CASP14: variants seen among roughly 807,000 people sequenced by gnomAD.
CASP14 encodes caspase-14.
A neutral mutation model predicts 28.4 loss-of-function variants in CASP14; 27 were observed. The observed-to-expected ratio is 0.95, with a 90% confidence interval of 0.70 to 1.31. CASP14 has a LOEUF of 1.31. Ranked by LOEUF, CASP14 falls within the 50% of genes most tolerant of loss-of-function variation. The pLI, the probability that CASP14 is intolerant of heterozygous loss-of-function variation, is 0.00. For missense variants in CASP14, 323 were observed against 312.8 expected (o/e 1.03, Z -0.25); for synonymous variants, 115 against 118.6 (o/e 0.97, Z 0.20).
rs548728994 is a variant in CASP14 at position 15,053,500 on chromosome 19, G to A, written c.46G>A (p.Gly16Ser). ...GCCCCAGGAGAAATATGATATGTCA[G>A]GTGCCCGCCTGGCCCTAATACTGTG... ...SLEEEKYDMS[G>S]ARLALILCVT... Residue 16 changes from glycine (G) to serine (S), a missense_variant, in exon 3 of 7, where the codon GGT (glycine) becomes AGT (serine). Gly to Ser is a moderately conservative substitution (Grantham distance 56). Transcript: ENST00000427043. The A allele has an allele frequency of 4.3e-6, 7 of 1,614,092 alleles. No homozygotes were observed. In the African/African-American group the frequency reaches 5.3e-5, roughly 12 times the overall value.
In CASP14 at chr19:15,052,256, G is replaced by T; in HGVS notation, c.5G>T (p.Ser2Ile). M[S>I]NPRSLEEEKY... is the part of the protein sequence containing the mutation. ...GGACTCACAACCAAAGGAGAAATGA[G>T]CAATCCGCGGTCTTTGGAAGAGGTA... The change falls in exon 2 of 7, where the codon AGC becomes ATC. Residue 2 changes from serine to isoleucine, a missense_variant. Transcript: ENST00000427043. The T allele has an allele frequency of 6.3e-7, 1 of 1,592,086 alleles. No homozygotes were observed. The highest frequency in any genetic ancestry group is 8.5e-7 in the Non-Finnish European group (1 of 1,170,342).
intron 2 of CASP14, among the ~76,000 whole-genome samples, chr19:15,052,635 C>T (rs2046096086): frequency 6.6e-6 from 1 of 152,162 alleles, no homozygotes; most frequent in South Asian, 2.1e-4. Flanking sequence ...GAACTGTTGA[C>T]CCCCAATATT....
At chr19:15,055,353 C>T (rs1458606552) in intron 5 of CASP14, 77 bp from the exon 6 acceptor site, 66 of 1,558,982 alleles carry the variant, frequency 4.2e-5, no homozygotes, top group Non-Finnish European at 3.1e-5. Context: ...ACCTCTCCTC[C>T]AGGACCCACG....
chr19:15,053,668 A>G (rs201029646), intron 3 of CASP14, 37 bp downstream of exon 3: 34 of 1,614,014 alleles, frequency 2.1e-5, no homozygotes, highest in Non-Finnish European at 2.9e-5. Context: ...TTTGGGGGAA[A>G]GGTACTAGGT....
Position 15,053,775 on chromosome 19 carries a change from T to A in CASP14, c.220T>A (p.Ser74Thr), listed in dbSNP as rs767206907. Residue 74 changes from serine (S) to threonine (T), a missense_variant, in exon 4 of 7, where the codon TCC becomes ACC. Ser to Thr is a moderately conservative substitution (Grantham distance 58). Transcript: ENST00000427043. The stretch of plus-strand genomic sequence containing the variant: ...GGAAAAATTCCAGCAGGCCATCGAT[T>A]CCCGGGAAGATCCCGTCAGTTGTGC... ...ELEKFQQAIDSREDPVSCAFV... is the reference protein window; with the variant it reads ...ELEKFQQAIDTREDPVSCAFV... 18 of 1,613,918 alleles carry A rather than the reference T, an allele frequency of 1.1e-5. No individual in the cohort carries two copies. The South Asian group carries it at 2.0e-4, about 18-fold the overall frequency.
At chr19:15,052,406 G>C (rs951895138) in intron 2 of CASP14, 128 bp downstream of exon 2, 1 of 968,364 alleles carries the variant, frequency 1.0e-6, no homozygotes, top group Non-Finnish European at 1.4e-6. Context: ...GAGGTACTTT[G>C]TAGTCAATCA....
intron 1 of CASP14, among the ~76,000 whole-genome samples, chr19:15,050,321 TGA>T (rs55945511): frequency 0.18 from 26,946 of 148,876 alleles, 2,442 homozygotes; most frequent in Admixed American, 0.25. Flanking sequence ...TGTGTGTGTG[TGA>T]GAGAGAGAGA....
chr19:15,055,417 C>G lies in CASP14; in HGVS notation c.521-13C>G. ...CTGAAGCTCCCCCGAACCCACCTCT[C>G]TGGAATTCCCAGGATACATCGCCTA... On this transcript the variant is annotated splice_polypyrimidine_tract_variant and intron_variant, in intron 5 of 6. Transcript: ENST00000427043. 6.2e-7 allele frequency: 1 copy of G among 1,613,296 alleles called. No individual in the cohort carries two copies. Among genetic ancestry groups the G allele is most frequent in the East Asian group, 2.2e-5 (1 of 44,856 alleles).
chr19:15,054,957 A>G (rs1600069282), intron 4 of CASP14: 1 of 540,152 alleles, frequency 1.9e-6, no homozygotes, highest in Non-Finnish European at 3.3e-6. Flanking sequence ...TTTCTTTTTA[A>G]GAGGCGACAT....
chr19:15,053,378 G>A (rs371128938), intron 2 of CASP14, 104 bp from the exon 3 acceptor site: 10 of 1,442,206 alleles, frequency 6.9e-6, no homozygotes, highest in African/African-American at 5.6e-5. Flanking sequence ...AAAGTGCTGG[G>A]ATCACAGGCA....
Position 15,055,195 on chromosome 19 carries a change from G to A in CASP14, c.441G>A (p.Glu147=), listed in dbSNP as rs754169137. 1 of 1,614,100 alleles carries A rather than the reference G, an allele frequency of 6.2e-7. No homozygotes were observed. The highest frequency in any genetic ancestry group is 1.7e-5 in the Admixed American group (1 of 60,010). The change falls in exon 5 of 7, where the codon GAG becomes GAA. Residue 147 remains glutamate, a synonymous_variant. Transcript: ENST00000427043. ...CCGGTGAAACAGTAGGTGGAGATGA[G>A]ATTGTGATGGTCATCAAAGACAGCC... ...RDPGETVGGD[E]IVMVIKDSPQ...
chr19:15,055,858 G>T, intron 6 of CASP14, 127 bp from the exon 7 acceptor site: 1 of 667,896 alleles, frequency 1.5e-6, no homozygotes, highest in Non-Finnish European at 2.6e-6. Context: ...TACAAACTAT[G>T]GTATAGGAAG....
Position 15,056,165 on chromosome 19 carries a change from C to T in CASP14, c.*76C>T, listed in dbSNP as rs1568316077. The T allele has an allele frequency of 8.4e-7, 1 of 1,189,850 alleles. No homozygotes were observed. The highest frequency in any genetic ancestry group is 1.5e-5 in the African/African-American group (1 of 65,730). 73.7% of individuals were successfully genotyped at this position (1,189,850 alleles called of 1,614,324 possible). A position where few individuals can be genotyped will look rare whatever the true frequency, so the allele number is the denominator to read the frequency against. ...AGAAATTTAGAGGCAGCTCTTACCT[C>T]TCCCCAAGATCTTCTGTTCCCAAGG... On this transcript the variant is annotated 3_prime_UTR_variant, in exon 7 of 7. Transcript: ENST00000427043.
rs1337214989 is a variant in CASP14, at chr19:15,057,475, C to G, written c.*1386C>G. 6.6e-6 allele frequency: 1 copy of G among 152,478 alleles called. No homozygotes were observed. Among genetic ancestry groups the G allele is most frequent in the East Asian group, 1.9e-4 (1 of 5,202 alleles). 9.4% of individuals were successfully genotyped at this position (152,478 alleles called of 1,614,324 possible). On this transcript the variant is annotated 3_prime_UTR_variant, in exon 7 of 7. Transcript: ENST00000427043. Reference sequence around the variant, plus strand: ...AGTCCTCAGCTTCTCATATCTGCATCTTTGCAACCAACTTCCTCCCTTGCC... The same window carrying G: ...AGTCCTCAGCTTCTCATATCTGCATGTTTGCAACCAACTTCCTCCCTTGCC...
chr19:15,053,506 C>T lies in CASP14; in HGVS notation c.52C>T (p.Arg18Cys), dbSNP rs372522700. ...GGAGAAATATGATATGTCAGGTGCC[C>T]GCCTGGCCCTAATACTGTGTGTCAC... ...EEEKYDMSGA[R>C]LALILCVTKA... is the part of the protein sequence containing the mutation. The change falls in exon 3 of 7, where the codon CGC becomes TGC. Residue 18 changes from arginine to cysteine, a missense_variant. Physicochemically the swap from Arg to Cys is radical, Grantham distance 180 (BLOSUM62 -3). Coordinates refer to ENST00000427043, the MANE Select transcript of CASP14 (RefSeq NM_012114.3). 1.0e-4 allele frequency: 167 copies of T among 1,613,950 alleles called. No individual in the cohort carries two copies. Among genetic ancestry groups the T allele is most frequent in the Non-Finnish European group, 1.3e-4 (152 of 1,180,012 alleles).
At position 15,052,227 on chromosome 19, in the gene CASP14, G is replaced by T. The variant is rs1381813070; in HGVS notation, c.-25G>T. 2 of 1,583,890 alleles carry T rather than the reference G, an allele frequency of 1.3e-6. No homozygotes were observed. The highest frequency in any genetic ancestry group is 2.3e-5 in the South Asian group (2 of 85,550). ...CAAGGATCAGACAAGGGTGCTGAGA[G>T]CCGGGACTCACAACCAAAGGAGAAA... On this transcript the variant is annotated 5_prime_UTR_variant, in exon 2 of 7. Transcript: ENST00000427043.
chr19:15,050,850 G>A (rs918274393), intron 1 of CASP14, among the ~76,000 whole-genome samples: 1 of 151,914 alleles, frequency 6.6e-6, no homozygotes, highest in Non-Finnish European at 1.5e-5. Flanking sequence ...GGATGGATGA[G>A]TGGATAGATA....
In CASP14 at chr19:15,053,814, A is replaced by C. The variant is rs1169084506; in HGVS notation, c.259A>C (p.Met87Leu). 2 of 1,613,956 alleles carry C rather than the reference A, an allele frequency of 1.2e-6. No homozygotes were observed. The highest frequency in any genetic ancestry group is 1.7e-6 in the Non-Finnish European group (2 of 1,180,004). ...CGTCAGTTGTGCCTTCGTGGTACTC[A>C]TGGCTCACGGGAGGGAAGGCTTCCT... is the stretch of plus-strand genomic sequence containing the variant. ...DPVSCAFVVL[M>L]AHGREGFLKG... is the part of the protein sequence containing the mutation. Residue 87 changes from methionine to leucine, a missense_variant, in exon 4 of 7, where the codon ATG becomes CTG. By Grantham distance (15) the Met-to-Leu change is conservative (BLOSUM62 2). Coordinates refer to ENST00000427043, the MANE Select transcript of CASP14 (RefSeq NM_012114.3).
chr19:15,053,941 T>C lies in CASP14; in HGVS notation c.386T>C (p.Ile129Thr). The change falls in exon 4 of 7, where the codon ATA becomes ACA. Residue 129 changes from isoleucine (I) to threonine (T), a missense_variant. Coordinates refer to ENST00000427043, the MANE Select transcript of CASP14 (RefSeq NM_012114.3). ...CGAGCTAAGCCCAAGGTGTACATCA[T>C]ACAGGCCTGTCGAGGAGGTGGGGAC... ...ALRAKPKVYI[I>T]QACRGEQRDP... The C allele has an allele frequency of 6.2e-7, 1 of 1,613,654 alleles. No homozygotes were observed. Among genetic ancestry groups the C allele is most frequent in the Non-Finnish European group, 8.5e-7 (1 of 1,179,906 alleles).
Sources: gnomAD v4.1 joint callset for allele counts (sites outside exome capture counted in the v4.1 genomes callset) on GRCh38, gnomAD v4.1.1 for gene constraint, MANE v1.5 for transcripts, NCBI Gene and HGNC (gene_info 2026-07-23, HGNC 2026-07-21) for gene names.